Variants in ARHGEF11 observed in about 807,000 individuals in gnomAD.
The protein encoded by ARHGEF11 is Rho guanine exchange factor (GEF) 11.
In ARHGEF11, 55 loss-of-function variants were observed where a neutral mutation model predicts 193.7. The ratio of observed to expected loss-of-function variants is 0.28; its 90% CI spans 0.23 to 0.36. ARHGEF11 has a LOEUF of 0.36. Among genes scored for constraint, ARHGEF11 ranks in the 10% least tolerant of loss-of-function variants. ARHGEF11 has a pLI of 1.00. For missense variants in ARHGEF11, 1,723 were observed against 2,005.6 expected (o/e 0.86, Z 2.69); for synonymous variants, 693 against 768.0 (o/e 0.90, Z 1.62).
At position 156,939,446 on chromosome 1, in the gene ARHGEF11, C is replaced by T. The variant is rs115785833; in HGVS notation, c.4096+102G>A. ...GACCCAGCGTAGGTCTCTGCTCACACGGTACCCAGGGGGAGTATAGGGAAG... is the reference window on the plus strand; with the variant it reads ...GACCCAGCGTAGGTCTCTGCTCACATGGTACCCAGGGGGAGTATAGGGAAG... On this transcript the variant is annotated intron_variant, in intron 37 of 40. Transcript: ENST00000368194. 4.9e-3 allele frequency: 7,473 copies of T among 1,536,206 alleles called. 27 individuals are homozygous for T. Among genetic ancestry groups the T allele is most frequent in the Non-Finnish European group, 6.3e-3 (7,079 of 1,131,416 alleles).
chr1:157,044,596 G>A lies in ARHGEF11; in HGVS notation c.-266C>T, dbSNP rs891833457. 2.0e-6 allele frequency: 1 copy of A among 490,804 alleles called. No homozygotes were observed. Among genetic ancestry groups the A allele is most frequent in the Non-Finnish European group, 3.6e-6 (1 of 278,068 alleles). 30.4% of individuals were successfully genotyped at this position (490,804 alleles called of 1,614,324 possible). A position where few individuals can be genotyped will look rare whatever the true frequency, so the allele number is the denominator to read the frequency against. On this transcript the variant is annotated 5_prime_UTR_variant, in exon 1 of 41. Coordinates refer to ENST00000368194, the MANE Select transcript of ARHGEF11 (RefSeq NM_198236.3). ...GAAAAAAGAAAAAAAAAGGAAAAGAGGAAAAACTACGACCTTCTCAGAAAC... is the reference window on the plus strand; with the variant it reads ...GAAAAAAGAAAAAAAAAGGAAAAGAAGAAAAACTACGACCTTCTCAGAAAC...
chr1:157,031,969 C>T (rs937686013), intron 1 of ARHGEF11, among the ~76,000 whole-genome samples: 16 of 152,168 alleles, frequency 1.1e-4, no homozygotes, highest in Non-Finnish European at 2.2e-4. Flanking sequence ...TTTGAGAAAC[C>T]ATTTTAGGAA....
chr1:156,966,227 C>A (rs1287334629), intron 11 of ARHGEF11, among the ~76,000 whole-genome samples: 1 of 152,188 alleles, frequency 6.6e-6, no homozygotes, highest in East Asian at 1.9e-4. Flanking sequence ...GAGACCCCAT[C>A]TTCTGAAGAC....
chr1:157,003,595 C>T (rs375548122), intron 1 of ARHGEF11, among the ~76,000 whole-genome samples: 12 of 152,194 alleles, frequency 7.9e-5, no homozygotes, highest in African/African-American at 2.9e-4. Flanking sequence ...GCCTGAGGTC[C>T]CAGGGTTGGT....
At chr1:157,011,466 G>C (rs1668535575) in intron 1 of ARHGEF11, among the ~76,000 whole-genome samples, 1 of 151,982 alleles carries the variant, frequency 6.6e-6, no homozygotes, top group Non-Finnish European at 1.5e-5. Context: ...CGCAAAAAAA[G>C]AAAAAATATA....
chr1:156,949,482 A>G (rs926179474), intron 22 of ARHGEF11, among the ~76,000 whole-genome samples: 10 of 152,170 alleles, frequency 6.6e-5, no homozygotes, highest in African/African-American at 2.4e-4. Flanking sequence ...GGTTGCTGCA[A>G]TGAGGAGCTA....
At chr1:156,994,390 G>GTA (rs1203811309) in intron 1 of ARHGEF11, among the ~76,000 whole-genome samples, 282 of 25,470 alleles carry the variant, frequency 0.011, no homozygotes, top group African/African-American at 0.03. Flanking sequence ...GTTTTATTGT[G>GTA]TGTTTTTTTT....
At chr1:156,953,302 G>T (rs1659394328) in intron 21 of ARHGEF11, among the ~76,000 whole-genome samples, 1 of 152,148 alleles carries the variant, frequency 6.6e-6, no homozygotes, top group African/African-American at 2.4e-5. Flanking sequence ...AGCCAGGTGT[G>T]GTGATATATG....
At chr1:157,012,419 T>G (rs546344136) in intron 1 of ARHGEF11, among the ~76,000 whole-genome samples, 6 of 152,198 alleles carry the variant, frequency 3.9e-5, no homozygotes, top group Non-Finnish European at 5.9e-5. Flanking sequence ...ATGGCACAAC[T>G]GTGACTATAC....
At chr1:156,978,066 C>T in intron 6 of ARHGEF11, 138 bp downstream of exon 6, 2 of 1,357,138 alleles carry the variant, frequency 1.5e-6, no homozygotes, top group Admixed American at 5.1e-5. Flanking sequence ...TTGTTCAACT[C>T]TTTCAATGGT....
In ARHGEF11 at chr1:156,945,123, C is replaced by T; in HGVS notation, c.2887G>A (p.Ala963Thr). 6.2e-7 allele frequency: 1 copy of T among 1,614,210 alleles called. No homozygotes were observed. Among genetic ancestry groups the T allele is most frequent in the Non-Finnish European group, 8.5e-7 (1 of 1,180,038 alleles). Reference protein sequence around the residue: ...CREILKYVNEAVKQTENRHRL... With the variant: ...CREILKYVNETVKQTENRHRL... ...TGGCGGTTCTCTGTTTGTTTTACCG[C>T]TTCATTCACATACTTGAGAATCTCC... Residue 963 changes from alanine (A) to threonine (T), a missense_variant, in exon 30 of 41, where the codon GCG becomes ACG. Around this residue, in one of 5 missense-constraint regions of ARHGEF11, gnomAD observed 491 missense variants for 654.5 expected, o/e 0.75. Transcript: ENST00000368194.
chr1:156,955,867 C>G, intron 19 of ARHGEF11, 68 bp from the exon 20 acceptor site: 1 of 1,203,412 alleles, frequency 8.3e-7, no homozygotes, highest in Non-Finnish European at 1.2e-6. Flanking sequence ...CTAATCAATT[C>G]TGCCACTGTC....
At chr1:156,967,932 T>A (rs1195785019) in intron 11 of ARHGEF11, 55 bp downstream of exon 11, 1 of 1,611,848 alleles carries the variant, frequency 6.2e-7, no homozygotes, top group Admixed American at 1.7e-5. Context: ...CACCCATGCC[T>A]CCAAATCTCA....
intron 32 of ARHGEF11, 77 bp downstream of exon 32, chr1:156,943,858 A>G: frequency 1.3e-6 from 2 of 1,522,726 alleles, no homozygotes; most frequent in Non-Finnish European, 1.8e-6. Context: ...AAGGCTCCAG[A>G]CTGGCCCTGC....
chr1:156,953,903 T>C (rs770422865), intron 21 of ARHGEF11, among the ~76,000 whole-genome samples: 9 of 152,236 alleles, frequency 5.9e-5, no homozygotes, highest in Admixed American at 2.6e-4. Context: ...CTTTTTTCAC[T>C]GCTGTGGTTA....
chr1:156,951,731 G>C, intron 21 of ARHGEF11, 32 bp from the exon 22 acceptor site: 1 of 1,613,372 alleles, frequency 6.2e-7, no homozygotes, highest in Non-Finnish European at 8.5e-7. Context: ...AGGACACTAG[G>C]CTTGCTGTTC....
intron 1 of ARHGEF11, among the ~76,000 whole-genome samples, chr1:157,018,832 T>C (rs1205999906): frequency 6.6e-6 from 1 of 152,086 alleles, no homozygotes; most frequent in Non-Finnish European, 1.5e-5. Flanking sequence ...ACATATACGA[T>C]CAATGGATTT....
intron 11 of ARHGEF11, among the ~76,000 whole-genome samples, chr1:156,965,959 AT>A (rs535387206): frequency 3.5e-4 from 53 of 152,198 alleles, no homozygotes; most frequent in Non-Finnish European, 6.0e-4. Context: ...TTCACTACAC[AT>A]TATGAAGGTG....
At chr1:156,967,053 A>G (rs936895638) in intron 11 of ARHGEF11, among the ~76,000 whole-genome samples, 1 of 152,308 alleles carries the variant, frequency 6.6e-6, no homozygotes, top group East Asian at 1.9e-4. Flanking sequence ...TCTTTTTAAT[A>G]TAAATGGCAG....
Sources: allele counts gnomAD v4.1 joint callset (sites outside exome capture counted in the v4.1 genomes callset), GRCh38; gene constraint gnomAD v4.1.1; regional missense constraint gnomAD v4.1.1; transcripts MANE v1.5; gene names NCBI Gene and HGNC (gene_info 2026-07-23, HGNC 2026-07-21).